The following CADM1 variants were observed in gnomAD, a reference collection of about 807,000 sequenced individuals.
CADM1 encodes the protein cell adhesion molecule 1, also known as TSLC-1.
CADM1 carries 15 observed loss-of-function variants against 53.1 expected under a neutral mutation model. The ratio of observed to expected loss-of-function variants is 0.28; its 90% CI spans 0.19 to 0.44. The LOEUF is 0.44. Among genes scored for constraint, CADM1 ranks in the 20% least tolerant of loss-of-function variants. CADM1 has a pLI of 1.00. For synonymous variants in CADM1, 281 were observed against 243.0 expected (o/e 1.16, Z -1.45); for missense variants, 434 against 611.3 (o/e 0.71, Z 3.06).
intron 1 of CADM1, among the ~76,000 whole-genome samples, chr11:115,343,808 C>T (rs1945508188): frequency 6.6e-6 from 1 of 151,546 alleles, no homozygotes; most frequent in African/African-American, 2.4e-5. Context: ...ACCATGCTAC[C>T]TATTATCTCT....
intron 1 of CADM1, among the ~76,000 whole-genome samples, chr11:115,298,761 C>A (rs1401656729): frequency 6.6e-6 from 1 of 152,182 alleles, no homozygotes. Flanking sequence ...ACTCCCAACA[C>A]ACTTTAATTA....
chr11:115,412,713 T>C (rs111434516), intron 1 of CADM1, among the ~76,000 whole-genome samples: 337 of 152,290 alleles, frequency 2.2e-3, no homozygotes, highest in Non-Finnish European at 3.8e-3. Flanking sequence ...TGCAATGTGG[T>C]TGTCAATCCA....
At chr11:115,365,336 T>C (rs1237297732) in intron 1 of CADM1, among the ~76,000 whole-genome samples, 2 of 152,312 alleles carry the variant, frequency 1.3e-5, no homozygotes, top group South Asian at 2.1e-4. Flanking sequence ...CTAAAGCTGA[T>C]GTAGGTTAGA....
intron 1 of CADM1, among the ~76,000 whole-genome samples, chr11:115,439,471 C>T (rs1948259298): frequency 6.6e-6 from 1 of 152,178 alleles, no homozygotes; most frequent in African/African-American, 2.4e-5. Flanking sequence ...GCCCATGAAT[C>T]ACCAATTTGC....
At chr11:115,230,643 G>A (rs1409718412) in intron 4 of CADM1, among the ~76,000 whole-genome samples, 3 of 152,178 alleles carry the variant, frequency 2.0e-5, no homozygotes, top group Non-Finnish European at 2.9e-5. Flanking sequence ...TCCAGGACCC[G>A]AACCCGGGAT....
Position 115,469,844 on chromosome 11 carries a change from G to C in CADM1, c.124+34427C>G, listed in dbSNP as rs187833438. Among the ~76,000 whole-genome samples, 15 of 151,964 alleles carry C rather than the reference G, an allele frequency of 9.9e-5. No homozygotes were observed. In the East Asian group the frequency reaches 2.5e-3, roughly 26 times the overall value. On this transcript the variant is annotated intron_variant, in intron 1 of 11. Coordinates refer to ENST00000331581, the MANE Select transcript of CADM1 (RefSeq NM_001301043.2). Reference sequence around the variant, plus strand: ...CCGCCACCATGCCCAGCTAATTTTTGTATTTTTAGTAGAGACGGGCTTTCG... The same window carrying C: ...CCGCCACCATGCCCAGCTAATTTTTCTATTTTTAGTAGAGACGGGCTTTCG...
At chr11:115,479,390 T>C (rs1453797074) in intron 1 of CADM1, among the ~76,000 whole-genome samples, 1 of 152,146 alleles carries the variant, frequency 6.6e-6, no homozygotes, top group African/African-American at 2.4e-5. Context: ...ATAGATTCAC[T>C]GTAATCACAG....
At chr11:115,379,952 G>A (rs1946532763) in intron 1 of CADM1, among the ~76,000 whole-genome samples, 1 of 152,058 alleles carries the variant, frequency 6.6e-6, no homozygotes, top group South Asian at 2.1e-4. Flanking sequence ...CTACAGTATA[G>A]ACTATATAAT....
chr11:115,469,963 G>A (rs1342258633), intron 1 of CADM1, among the ~76,000 whole-genome samples: 8 of 152,134 alleles, frequency 5.3e-5, no homozygotes, highest in Non-Finnish European at 5.9e-5. Flanking sequence ...ATGCGCCACC[G>A]TGCCCAGCCC....
chr11:115,484,485 A>G (rs1409487403), intron 1 of CADM1, among the ~76,000 whole-genome samples: 1 of 152,192 alleles, frequency 6.6e-6, no homozygotes, highest in Non-Finnish European at 1.5e-5. Flanking sequence ...GTGAAATACA[A>G]GGATAGTCGT....
intron 1 of CADM1, among the ~76,000 whole-genome samples, chr11:115,323,512 C>G (rs1037451370): frequency 5.9e-5 from 9 of 152,064 alleles, no homozygotes; most frequent in African/African-American, 9.7e-5. Flanking sequence ...AGCCAACAGC[C>G]CATTTCCCAA....
At chr11:115,237,514 T>C (rs1041800903) in intron 3 of CADM1, among the ~76,000 whole-genome samples, 2 of 152,212 alleles carry the variant, frequency 1.3e-5, no homozygotes, top group African/African-American at 4.8e-5. Context: ...AATACATATA[T>C]GTGCACACAT....
chr11:115,349,000 T>C (rs914190870), intron 1 of CADM1, among the ~76,000 whole-genome samples: 1 of 152,186 alleles, frequency 6.6e-6, no homozygotes. Context: ...CAAAGGAAAC[T>C]CAGTACTAAA....
intron 1 of CADM1, among the ~76,000 whole-genome samples, chr11:115,416,729 A>T: frequency 6.6e-6 from 1 of 151,488 alleles, no homozygotes; most frequent in South Asian, 2.1e-4. Flanking sequence ...ACACACACAC[A>T]CACACAGATA....
At chr11:115,312,210 T>C (rs1222137103) in intron 1 of CADM1, among the ~76,000 whole-genome samples, 1 of 152,142 alleles carries the variant, frequency 6.6e-6, no homozygotes, top group Non-Finnish European at 1.5e-5. Flanking sequence ...AAAAGAATGA[T>C]TAGTTTCTTG....
At chr11:115,475,597 T>C (rs557360012) in intron 1 of CADM1, among the ~76,000 whole-genome samples, 39 of 152,260 alleles carry the variant, frequency 2.6e-4, no homozygotes, top group South Asian at 2.3e-3. Context: ...TAAAAAGAAA[T>C]GAACAACTGA....
chr11:115,196,595 T>TAAAAAAAA (rs61694033), intron 9 of CADM1, among the ~76,000 whole-genome samples: 43 of 76,624 alleles, frequency 5.6e-4, no homozygotes, highest in Admixed American at 7.5e-4. Context: ...GCTGATGAAC[T>TAAAAAAAA]AAAAAAAAAA....
intron 1 of CADM1, among the ~76,000 whole-genome samples, chr11:115,386,997 T>C (rs772353905): frequency 6.6e-6 from 1 of 152,136 alleles, no homozygotes; most frequent in Non-Finnish European, 1.5e-5. Context: ...AGCAACAGTG[T>C]ATGGAAGCAG....
intron 1 of CADM1, among the ~76,000 whole-genome samples, chr11:115,354,992 T>C (rs1945827750): frequency 6.6e-6 from 1 of 152,216 alleles, no homozygotes; most frequent in South Asian, 2.1e-4. Context: ...ATTTCCCTTC[T>C]TCTTGAACAA....
Sources: gnomAD v4.1 joint callset for allele counts (sites outside exome capture counted in the v4.1 genomes callset) on GRCh38, gnomAD v4.1.1 for gene constraint, MANE v1.5 for transcripts, NCBI Gene and HGNC (gene_info 2026-07-23, HGNC 2026-07-21) for gene names.